The following SYNPO2 variants were observed in gnomAD, a reference collection of about 807,000 sequenced individuals.
SYNPO2 encodes the protein synaptopodin-2.
In SYNPO2, 56 loss-of-function variants were observed where a neutral mutation model predicts 85.0. The ratio of observed to expected loss-of-function variants is 0.66; its 90% CI spans 0.53 to 0.82. SYNPO2 has a LOEUF of 0.82. Ranked by LOEUF, SYNPO2 falls within the 40% of genes least tolerant of loss-of-function variation. SYNPO2 has a pLI of 0.00. For missense variants in SYNPO2, 1,575 were observed against 1,534.2 expected (o/e 1.03, Z -0.44); for synonymous variants, 602 against 591.1 (o/e 1.02, Z -0.27).
chr4:119,060,627 T>G lies in SYNPO2; in HGVS notation c.*2693T>G, dbSNP rs916605842. The stretch of plus-strand genomic sequence containing the variant: ...GCAAGTGTAGAGAAGAGCCGTTGCT[T>G]TGAAAATACATACCACATTTGTTAT... On this transcript the variant is annotated 3_prime_UTR_variant, in exon 5 of 5. Transcript: ENST00000307142. 2 of 152,152 alleles carry G rather than the reference T, an allele frequency of 1.3e-5. No homozygotes were observed. The highest frequency in any genetic ancestry group is 2.9e-5 in the Non-Finnish European group (2 of 68,002). The allele number at this position is 152,152 out of a possible 1,614,324, so 9.4% of individuals were successfully genotyped here.
chr4:118,901,884 T>G (rs181275011), intron 1 of SYNPO2, among the ~76,000 whole-genome samples: 104 of 152,282 alleles, frequency 6.8e-4, no homozygotes, highest in Non-Finnish European at 1.2e-3. Flanking sequence ...CAATGTTAGT[T>G]AGTGCTCATT....
intron 1 of SYNPO2, among the ~76,000 whole-genome samples, chr4:118,958,433 C>T (rs75244633): frequency 0.025 from 3,858 of 152,110 alleles, 58 homozygotes; most frequent in Middle Eastern, 0.13. Context: ...TTAAAGAGTC[C>T]GTGATTTAAC....
intron 1 of SYNPO2, among the ~76,000 whole-genome samples, chr4:118,956,137 G>GGAGAGATT (rs1734864940): frequency 6.6e-6 from 1 of 152,024 alleles, no homozygotes; most frequent in Admixed American, 6.6e-5. Flanking sequence ...GGAAATGAGA[G>GGAGAGATT]GAGAGATTGG....
At chr4:118,968,177 A>C (rs1417477372) in intron 1 of SYNPO2, among the ~76,000 whole-genome samples, 1 of 152,184 alleles carries the variant, frequency 6.6e-6, no homozygotes, top group Non-Finnish European at 1.5e-5. Flanking sequence ...CCAGTTAGTG[A>C]AAATGAAAGC....
At chr4:119,006,203 A>G (rs1456117006) in intron 1 of SYNPO2, 1 of 152,746 alleles carries the variant, frequency 6.5e-6, no homozygotes, top group Non-Finnish European at 1.5e-5. Context: ...TTTTTATAAT[A>G]CATGAAGCCA....
At chr4:118,990,366 A>C (rs1736370697) in intron 1 of SYNPO2, among the ~76,000 whole-genome samples, 1 of 152,174 alleles carries the variant, frequency 6.6e-6, no homozygotes, top group Non-Finnish European at 1.5e-5. Flanking sequence ...TCTCCCAGGA[A>C]ATACATCTTT....
chr4:118,878,821 G>A (rs1412567777), intron 1 of SYNPO2, among the ~76,000 whole-genome samples: 1 of 152,190 alleles, frequency 6.6e-6, no homozygotes, highest in African/African-American at 2.4e-5. Context: ...GGCCAAATAA[G>A]GGAATAAAAG....
chr4:118,926,331 A>G (rs973699825), intron 1 of SYNPO2, among the ~76,000 whole-genome samples: 2 of 152,144 alleles, frequency 1.3e-5, no homozygotes, highest in African/African-American at 4.8e-5. Flanking sequence ...GAGAGAGGAA[A>G]AATACTTTTT....
Position 119,030,691 on chromosome 4 carries a change from C to T in SYNPO2, c.1916C>T (p.Pro639Leu), listed in dbSNP as rs1356729558. The T allele has an allele frequency of 8.1e-6, 13 of 1,614,148 alleles. No homozygotes were observed. The highest frequency in any genetic ancestry group is 1.1e-5 in the South Asian group (1 of 91,068). Residue 639 changes from proline to leucine, a missense_variant, in exon 4 of 5, where the codon CCG becomes CTG. Transcript: ENST00000307142. ...PDAFSRGVSSPIAGPAQPPPW... is the reference protein window; with the variant it reads ...PDAFSRGVSSLIAGPAQPPPW... ...GCCTTCTCCAGAGGGGTTTCAAGTC[C>T]GATTGCTGGCCCAGCACAGCCCCCT...
intron 1 of SYNPO2, among the ~76,000 whole-genome samples, chr4:118,880,427 C>T (rs981621887): frequency 2.6e-5 from 4 of 152,086 alleles, no homozygotes; most frequent in African/African-American, 9.7e-5. Context: ...AATCATGATC[C>T]ATGAAAAAGA....
chr4:118,965,888 G>A (rs762546422), intron 1 of SYNPO2, among the ~76,000 whole-genome samples: 2 of 151,452 alleles, frequency 1.3e-5, no homozygotes, highest in African/African-American at 2.4e-5. Context: ...TTCAAGACCC[G>A]ACTGGGCAAA....
chr4:119,021,280 C>A (rs1737710515), intron 1 of SYNPO2, among the ~76,000 whole-genome samples: 1 of 152,056 alleles, frequency 6.6e-6, no homozygotes, highest in Non-Finnish European at 1.5e-5. Flanking sequence ...AAACTTTAAA[C>A]CTATATGAGT....
At chr4:118,852,166 A>G (rs1460564415) in intron 1 of SYNPO2, among the ~76,000 whole-genome samples, 1 of 152,222 alleles carries the variant, frequency 6.6e-6, no homozygotes, top group Non-Finnish European at 1.5e-5. Flanking sequence ...CAAAACCACA[A>G]TGAGCTGCCA....
chr4:118,894,272 G>A (rs1267284315), intron 1 of SYNPO2, among the ~76,000 whole-genome samples: 1 of 152,130 alleles, frequency 6.6e-6, no homozygotes, highest in African/African-American at 2.4e-5. Context: ...ATCAGAGAGA[G>A]GCTAAAAATT....
At chr4:118,876,713 CTTT>C (rs1560813034) in intron 1 of SYNPO2, among the ~76,000 whole-genome samples, 2 of 117,738 alleles carry the variant, frequency 1.7e-5, no homozygotes, top group Non-Finnish European at 3.5e-5. Context: ...TTCTTTCTTT[CTTT>C]CTTTCTTTCT....
chr4:118,939,150 A>C (rs184792231), intron 1 of SYNPO2, among the ~76,000 whole-genome samples: 10 of 152,336 alleles, frequency 6.6e-5, no homozygotes, highest in Admixed American at 6.5e-4. Flanking sequence ...CAACAACAAC[A>C]AAGAAGTTTG....
At chr4:118,974,748 C>T (rs1215578842) in intron 1 of SYNPO2, among the ~76,000 whole-genome samples, 1 of 152,190 alleles carries the variant, frequency 6.6e-6, no homozygotes, top group Non-Finnish European at 1.5e-5. Context: ...ACTTTAGATT[C>T]ATCCTTGACT....
At chr4:118,857,345 C>T (rs1304954993) in intron 1 of SYNPO2, among the ~76,000 whole-genome samples, 7 of 151,970 alleles carry the variant, frequency 4.6e-5, no homozygotes, top group Non-Finnish European at 8.8e-5. Flanking sequence ...CACCATTCCC[C>T]GAGAAACTTC....
chr4:119,012,898 A>C (rs1043995465), intron 1 of SYNPO2, among the ~76,000 whole-genome samples: 1 of 152,066 alleles, frequency 6.6e-6, no homozygotes, highest in African/African-American at 2.4e-5. Flanking sequence ...TTTGTTCCCT[A>C]GGTTGGACCT....
Sources: allele counts gnomAD v4.1 joint callset (sites outside exome capture counted in the v4.1 genomes callset), GRCh38; gene constraint gnomAD v4.1.1; transcripts MANE v1.5; gene names NCBI Gene and HGNC (gene_info 2026-07-23, HGNC 2026-07-21).